Variants in NKAIN3 observed in about 807,000 individuals in gnomAD.
NKAIN3 encodes the protein sodium/potassium-transporting ATPase subunit beta-1-interacting protein 3.
A neutral mutation model predicts 30.2 loss-of-function variants in NKAIN3; 25 were observed. That is an observed-to-expected ratio of 0.83 (90% CI 0.60 to 1.16). The LOEUF (loss-of-function observed/expected upper bound fraction) is 1.16. NKAIN3 is among the 50% of genes most tolerant of loss of function. NKAIN3 has a pLI of 0.00. For missense variants in NKAIN3, 225 were observed against 254.1 expected, an observed-to-expected ratio of 0.89 and a Z score of 0.78; for synonymous variants, 91 against 89.6, an observed-to-expected ratio of 1.02 and a Z score of -0.09.
intron 3 of NKAIN3, among the ~76,000 whole-genome samples, chr8:62,645,813 A>C (rs1812442659): frequency 6.6e-6 from 1 of 152,144 alleles, no homozygotes; most frequent in Non-Finnish European, 1.5e-5. Flanking sequence ...TCTGAGATTC[A>C]AACTTTCCCT....
intron 2 of NKAIN3, among the ~76,000 whole-genome samples, chr8:62,586,800 C>A (rs187151152): frequency 6.1e-4 from 92 of 151,898 alleles, no homozygotes; most frequent in African/African-American, 1.1e-3. Context: ...CATAAACATT[C>A]TTTTTTCATT....
At chr8:62,508,264 C>G (rs1807706885) in intron 1 of NKAIN3, among the ~76,000 whole-genome samples, 1 of 152,160 alleles carries the variant, frequency 6.6e-6, no homozygotes, top group South Asian at 2.1e-4. Flanking sequence ...TCATTCCAGT[C>G]CAACCCTTCA....
intron 4 of NKAIN3, among the ~76,000 whole-genome samples, chr8:62,845,922 T>G (rs1468150158): frequency 6.6e-6 from 1 of 152,156 alleles, no homozygotes. Flanking sequence ...ATTGATTTAC[T>G]TAATAAAAAC....
chr8:62,884,948 T>C (rs1194231019), intron 4 of NKAIN3, among the ~76,000 whole-genome samples: 1 of 152,162 alleles, frequency 6.6e-6, no homozygotes, highest in Non-Finnish European at 1.5e-5. Flanking sequence ...ACTTATGGTT[T>C]GTTGATTTTC....
At position 62,465,032 on chromosome 8, in the gene NKAIN3, GAC is replaced by G. The variant is rs549576397; in HGVS notation, c.55-114505_55-114504del. Among the ~76,000 whole-genome samples, 280 of 152,182 alleles carry G rather than the reference GAC, an allele frequency of 1.8e-3. 1 individual carries two copies. The highest frequency in any genetic ancestry group is 6.3e-3 in the African/African-American group (263 of 41,534). On this transcript the variant is annotated intron_variant, in intron 1 of 6. Coordinates refer to ENST00000623646, the MANE Select transcript of NKAIN3 (RefSeq NM_001304533.3). ...TTGCCTATTTGGAAAACATTTTAAA[GAC>G]AGATTAAATATCGCATTTCCAACTC... is the stretch of plus-strand genomic sequence containing the variant.
At chr8:62,839,350 T>C (rs931206814) in intron 4 of NKAIN3, among the ~76,000 whole-genome samples, 1 of 148,154 alleles carries the variant, frequency 6.7e-6, no homozygotes, top group Non-Finnish European at 1.5e-5. Flanking sequence ...CAGAATAAAA[T>C]AGAAATCACC....
intron 4 of NKAIN3, among the ~76,000 whole-genome samples, chr8:62,827,618 A>T (rs1456515241): frequency 6.6e-6 from 1 of 152,172 alleles, no homozygotes; most frequent in Non-Finnish European, 1.5e-5. Flanking sequence ...CAAGTCCATT[A>T]TTATCCTCAA....
intron 1 of NKAIN3, among the ~76,000 whole-genome samples, chr8:62,548,857 G>C (rs1052503730): frequency 6.7e-5 from 8 of 119,148 alleles, no homozygotes; most frequent in African/African-American, 2.2e-4. Context: ...TGAAAACATA[G>C]GCTAGTCATG....
chr8:62,844,898 C>G (rs1488356835), intron 4 of NKAIN3, among the ~76,000 whole-genome samples: 1 of 152,008 alleles, frequency 6.6e-6, no homozygotes, highest in Admixed American at 6.6e-5. Flanking sequence ...ACGAATCATA[C>G]TCCCATTACC....
chr8:62,956,953 G>A (rs1175801544), intron 6 of NKAIN3, among the ~76,000 whole-genome samples: 2 of 152,194 alleles, frequency 1.3e-5, no homozygotes, highest in African/African-American at 4.8e-5. Flanking sequence ...GAGCTACTTT[G>A]AAAAGATGAC....
chr8:62,547,086 G>C (rs919800731), intron 1 of NKAIN3, among the ~76,000 whole-genome samples: 1 of 152,156 alleles, frequency 6.6e-6, no homozygotes, highest in African/African-American at 2.4e-5. Context: ...GGGCAGACAA[G>C]GGTGAAGTTG....
Position 62,874,218 on chromosome 8 carries a change from A to G in NKAIN3, c.472-44235A>G, listed in dbSNP as rs530977898. The stretch of plus-strand genomic sequence containing the variant: ...ATTATAAACACCTCTACGCAAATAA[A>G]CTAGACAATCTAGAAGAAATGATAA... On this transcript the variant is annotated intron_variant, in intron 4 of 6. Transcript: ENST00000623646. Among the ~76,000 whole-genome samples the G allele has an allele frequency of 3.9e-5, 6 of 152,294 alleles. No individual in the cohort carries two copies. The East Asian group carries it at 1.2e-3, about 29-fold the overall frequency.
chr8:62,587,163 C>G (rs1231028312), intron 2 of NKAIN3, among the ~76,000 whole-genome samples: 4 of 151,946 alleles, frequency 2.6e-5, no homozygotes, highest in African/African-American at 9.7e-5. Context: ...ATTTGTATCT[C>G]TAGCTATCTC....
chr8:62,475,046 A>T (rs1806474368), intron 1 of NKAIN3, among the ~76,000 whole-genome samples: 1 of 152,208 alleles, frequency 6.6e-6, no homozygotes, highest in Non-Finnish European at 1.5e-5. Flanking sequence ...CAGTAGAGAG[A>T]TACTAAAGCC....
At chr8:62,673,453 A>C (rs1421867842) in intron 3 of NKAIN3, among the ~76,000 whole-genome samples, 1 of 152,222 alleles carries the variant, frequency 6.6e-6, no homozygotes, top group African/African-American at 2.4e-5. Flanking sequence ...ACACATGAAA[A>C]AGGAAGGGAC....
At chr8:62,998,184 C>G (rs1485813348) in intron 5 of NKAIN3, among the ~76,000 whole-genome samples, 1 of 152,096 alleles carries the variant, frequency 6.6e-6, no homozygotes. Flanking sequence ...ATAATGGTGT[C>G]AAATATTAGT....
At chr8:62,445,811 G>C (rs16928933) in intron 1 of NKAIN3, among the ~76,000 whole-genome samples, 21,165 of 152,138 alleles carry the variant, frequency 0.14, 1,776 homozygotes, top group East Asian at 0.4. Flanking sequence ...ATTGAAGTCT[G>C]GGGACTGGGA....
chr8:62,673,892 G>A (rs1320845806), intron 3 of NKAIN3, among the ~76,000 whole-genome samples: 1 of 152,206 alleles, frequency 6.6e-6, no homozygotes, highest in Non-Finnish European at 1.5e-5. Flanking sequence ...TGCAGCATAT[G>A]ACTGTATTTG....
intron 1 of NKAIN3, among the ~76,000 whole-genome samples, chr8:62,509,244 T>C (rs932039881): frequency 6.6e-6 from 1 of 152,064 alleles, no homozygotes; most frequent in Non-Finnish European, 1.5e-5. Context: ...AAAGGTATTA[T>C]AGAGACATTT....
Sources: gnomAD v4.1 joint callset for allele counts (sites outside exome capture counted in the v4.1 genomes callset) on GRCh38, gnomAD v4.1.1 for gene constraint, MANE v1.5 for transcripts, NCBI Gene and HGNC (gene_info 2026-07-23, HGNC 2026-07-21) for gene names.